Variants in TICRR observed in about 807,000 individuals in gnomAD.
The protein encoded by TICRR is TOPBP1 interacting checkpoint and replication regulator, also known as treslin.
In TICRR, 132 loss-of-function variants were observed where a neutral mutation model predicts 178.1. That is an observed-to-expected ratio of 0.74 (90% CI 0.64 to 0.86). The LOEUF (loss-of-function observed/expected upper bound fraction) is 0.86, where lower values mean the gene tolerates loss of function less well. Among genes scored for constraint, TICRR ranks in the 40% least tolerant of loss-of-function variants. TICRR has a pLI of 0.00. For synonymous variants in TICRR, 991 were observed against 900.7 expected, an observed-to-expected ratio of 1.10 and a Z score of -1.79; for missense variants, 2,587 against 2,334.3, an observed-to-expected ratio of 1.11 and a Z score of -2.23.
At chr15:89,594,933 T>C (rs1045892491) in intron 6 of TICRR, among the ~76,000 whole-genome samples, 3 of 152,230 alleles carry the variant, frequency 2.0e-5, no homozygotes, top group African/African-American at 7.2e-5. Flanking sequence ...TCATTATAAA[T>C]AATACTGTAG....
rs1259296455 is a variant in TICRR at position 89,575,774 on chromosome 15, C to T, written c.188C>T (p.Ser63Phe). 7 of 1,608,922 alleles carry T rather than the reference C, an allele frequency of 4.4e-6. No homozygotes were observed. Among genetic ancestry groups the T allele is most frequent in the African/African-American group, 2.7e-5 (2 of 74,864 alleles). ...QGARSRPSRVSDFRELGSRSW... is the reference protein window; with the variant it reads ...QGARSRPSRVFDFRELGSRSW... ...GCGCGGAGCCGGCCGTCCCGCGTGT[C>T]TGACTTCCGCGAGCTGGGGTCCCGC... is the stretch of plus-strand genomic sequence containing the variant. The change falls in exon 1 of 22, where the codon TCT becomes TTT. Residue 63 changes from serine to phenylalanine, a missense_variant. By Grantham distance (155) the Ser-to-Phe change is radical. Transcript: ENST00000268138.
chr15:89,582,644 C>T, intron 1 of TICRR, 42 bp from the exon 2 acceptor site: 5 of 1,562,118 alleles, frequency 3.2e-6, no homozygotes, highest in Non-Finnish European at 3.5e-6. Context: ...TTGTGAATGC[C>T]TAATTTATAG....
rs766913023 is a variant in TICRR at position 89,575,686 on chromosome 15, C to T, written c.100C>T (p.Leu34=). The T allele has an allele frequency of 1.2e-4, 185 of 1,602,860 alleles. 2 individuals are homozygous for T. The highest frequency in any genetic ancestry group is 7.1e-4 in the South Asian group (64 of 89,654). Residue 34 remains leucine (L), a synonymous_variant, in exon 1 of 22, where the codon CTG becomes TTG. Coordinates refer to ENST00000268138, the MANE Select transcript of TICRR (RefSeq NM_152259.4). The stretch of plus-strand genomic sequence containing the variant: ...GGCCGCCCTGCGCCTCCTCACCTAT[C>T]TGAGTTGCCGATTCGGCCTGGCCAG... The part of the protein sequence containing the change: ...RRAALRLLTY[L]SCRFGLARVH...
In TICRR at chr15:89,627,219, T is replaced by C. The variant is rs1392613246; in HGVS notation, c.*133T>C. On this transcript the variant is annotated 3_prime_UTR_variant, in exon 22 of 22. Transcript: ENST00000268138. ...GATTGCCATTAGAATGCCTTAGGGT[T>C]TTCTAATTCCCCTTATGGATCCAAT... 3 of 1,092,784 alleles carry C rather than the reference T, an allele frequency of 2.7e-6. No homozygotes were observed. The African/African-American group carries it at 4.7e-5, about 17-fold the overall frequency. 67.7% of individuals were successfully genotyped at this position (1,092,784 alleles called of 1,614,324 possible).
chr15:89,599,591 T>C (rs746569895), intron 8 of TICRR, 116 bp downstream of exon 8: 1 of 1,061,458 alleles, frequency 9.4e-7, no homozygotes, highest in Non-Finnish European at 1.4e-6. Flanking sequence ...GATTCAAAAA[T>C]GGTAAGATAA....
intron 13 of TICRR, among the ~76,000 whole-genome samples, chr15:89,604,493 C>G (rs139712324): frequency 6.6e-6 from 1 of 152,180 alleles, no homozygotes; most frequent in Non-Finnish European, 1.5e-5. Context: ...AGAATTAACG[C>G]CTGGGCGCAG....
At chr15:89,592,328 T>C (rs990345422) in intron 5 of TICRR, 152 bp downstream of exon 5, 1 of 582,074 alleles carries the variant, frequency 1.7e-6, no homozygotes, top group Non-Finnish European at 2.8e-6. Flanking sequence ...TTAATATATA[T>C]TGTGAGAGTA....
Position 89,623,757 on chromosome 15 carries a change from G to T in TICRR, c.3447G>T (p.Lys1149Asn). The T allele has an allele frequency of 2.5e-6, 4 of 1,613,934 alleles. 1 individual carries two copies. In the South Asian group the frequency reaches 4.4e-5, roughly 18 times the overall value. ...QKSPAKMTPT[K>N]QAAFKESLKD... is the part of the protein sequence containing the mutation. ...CCCCTGCAAAAATGACCCCTACAAA[G>T]CAGGCAGCTTTTAAGGAGTCCTTAA... Residue 1149 changes from lysine (K) to asparagine (N), a missense_variant, in exon 20 of 22, where the codon AAG becomes AAT. Transcript: ENST00000268138.
At chr15:89,616,611 T>A (rs1451260350) in intron 16 of TICRR, 116 bp downstream of exon 16, 3 of 769,264 alleles carry the variant, frequency 3.9e-6, no homozygotes, top group African/African-American at 3.5e-5. Context: ...CTATGTTGCT[T>A]AAAACCAAAG....
intron 1 of TICRR, among the ~76,000 whole-genome samples, chr15:89,578,345 A>C (rs576287623): frequency 6.6e-6 from 1 of 152,330 alleles, no homozygotes; most frequent in East Asian, 1.9e-4. Flanking sequence ...TGCGAAGCCC[A>C]AAAAAGGCGT....
At chr15:89,618,936 C>A (rs1290822382) in intron 17 of TICRR, among the ~76,000 whole-genome samples, 1 of 152,084 alleles carries the variant, frequency 6.6e-6, no homozygotes, top group South Asian at 2.1e-4. Flanking sequence ...TCCAGCCTAG[C>A]GACAGAGCAA....
Position 89,624,681 on chromosome 15 carries a change from T to C in TICRR, c.4371T>C (p.Ile1457=). The C allele has an allele frequency of 6.2e-7, 1 of 1,614,112 alleles. No individual in the cohort carries two copies. Among genetic ancestry groups the C allele is most frequent in the Non-Finnish European group, 8.5e-7 (1 of 1,180,038 alleles). ...SDWHASSPLL[I]TSDTEHVTLL... ...GGCATGCATCCTCTCCTCTGCTCAT[T>C]ACAAGTGACACAGAGCATGTCACTC... is the stretch of plus-strand genomic sequence containing the variant. Residue 1457 remains isoleucine (I), a synonymous_variant, in exon 20 of 22, where the codon ATT becomes ATC. Transcript: ENST00000268138.
At chr15:89,617,903 A>G (rs12148154) in intron 16 of TICRR, 373,526 of 421,172 alleles carry the variant, frequency 0.89, 166,929 homozygotes, top group African/African-American at 0.96. Flanking sequence ...TATTGGCCAG[A>G]CTGGTCTCGA....
chr15:89,619,155 T>C (rs1334266180), intron 17 of TICRR, among the ~76,000 whole-genome samples: 3 of 151,918 alleles, frequency 2.0e-5, no homozygotes, highest in Admixed American at 6.6e-5. Context: ...TATTTCTATA[T>C]AAATGCATGT....
At chr15:89,581,635 A>G (rs915641366) in intron 1 of TICRR, among the ~76,000 whole-genome samples, 4 of 152,192 alleles carry the variant, frequency 2.6e-5, no homozygotes, top group Non-Finnish European at 5.9e-5. Context: ...CAATATGCCT[A>G]GAAGGAGTGG....
At chr15:89,597,198 T>A (rs1371544534) in intron 7 of TICRR, among the ~76,000 whole-genome samples, 2 of 152,140 alleles carry the variant, frequency 1.3e-5, no homozygotes, top group Non-Finnish European at 2.9e-5. Context: ...GTATTAGTCT[T>A]CCACTATTGT....
In TICRR at chr15:89,595,742, A is replaced by G. The variant is rs558586089; in HGVS notation, c.1900+131A>G. ...TGTTATGGTGAATACAGTAAATAAT[A>G]AGATAATGTGCTATTCTTAGATTTA... is the stretch of plus-strand genomic sequence containing the variant. On this transcript the variant is annotated intron_variant, in intron 7 of 21. Coordinates refer to ENST00000268138, the MANE Select transcript of TICRR (RefSeq NM_152259.4). 7.4e-5 allele frequency: 49 copies of G among 664,250 alleles called. No individual in the cohort carries two copies. The East Asian group carries it at 8.8e-4, about 12-fold the overall frequency. 41.1% of individuals were successfully genotyped at this position (664,250 alleles called of 1,614,324 possible). A position where few individuals can be genotyped will look rare whatever the true frequency, so the allele number is the denominator to read the frequency against.
chr15:89,622,321 C>T (rs1963440453), intron 19 of TICRR, among the ~76,000 whole-genome samples: 1 of 152,088 alleles, frequency 6.6e-6, no homozygotes, highest in Non-Finnish European at 1.5e-5. Context: ...CCTCTTCTCC[C>T]CTACTGCAAT....
rs552582121 is a variant in TICRR at position 89,608,233 on chromosome 15, T to C, written c.2723-570T>C. Among the ~76,000 whole-genome samples the C allele has an allele frequency of 6.6e-5, 10 of 152,336 alleles. No homozygotes were observed. The South Asian group carries it at 2.1e-3, about 32-fold the overall frequency. On this transcript the variant is annotated intron_variant, in intron 14 of 21. Transcript: ENST00000268138. ...CGTAATGGAATACTACAAACCACTG[T>C]ATACCAACAAATTGTATAACCTAGA...
Sources: gnomAD v4.1 joint callset for allele counts (sites outside exome capture counted in the v4.1 genomes callset) on GRCh38, gnomAD v4.1.1 for gene constraint, MANE v1.5 for transcripts, NCBI Gene and HGNC (gene_info 2026-07-23, HGNC 2026-07-21) for gene names.